The following TNNI3K variants were observed in gnomAD, a reference collection of about 807,000 sequenced individuals.
TNNI3K encodes TNNI3 interacting kinase.
In TNNI3K, 140 loss-of-function variants were observed where a neutral mutation model predicts 114.5. The observed-to-expected ratio is 1.22, with a 90% CI of 1.07 to 1.41. TNNI3K has a LOEUF of 1.41. Ranked by LOEUF, TNNI3K falls within the 40% of genes most tolerant of loss-of-function variation. The pLI, the probability that TNNI3K is intolerant of heterozygous loss-of-function variation, is 0.00. For synonymous variants in TNNI3K, 347 were observed against 347.5 expected, an observed-to-expected ratio of 1.00 and a Z score of 0.02; for missense variants, 1,125 against 1,007.6, an observed-to-expected ratio of 1.12 and a Z score of -1.58.
chr1:74,383,580 T>G (rs45623431), intron 17 of TNNI3K, among the ~76,000 whole-genome samples: 2,262 of 152,222 alleles, frequency 0.015, 52 homozygotes, highest in African/African-American at 0.049. Context: ...AGAGCTCTTC[T>G]CATGCTATTA....
intron 17 of TNNI3K, among the ~76,000 whole-genome samples, chr1:74,415,404 T>G (rs1326813020): frequency 6.6e-6 from 1 of 152,220 alleles, no homozygotes. Flanking sequence ...ATGTAAATAC[T>G]GTGAGTATAG....
intron 9 of TNNI3K, among the ~76,000 whole-genome samples, chr1:74,351,528 G>C (rs201254987): frequency 6.6e-6 from 1 of 152,010 alleles, no homozygotes; most frequent in African/African-American, 2.4e-5. Context: ...TGCTAGATTG[G>C]GGAAGTTCTC....
At chr1:74,539,856 T>A (rs1020431490) in intron 23 of TNNI3K, among the ~76,000 whole-genome samples, 1 of 152,010 alleles carries the variant, frequency 6.6e-6, no homozygotes, top group African/African-American at 2.4e-5. Context: ...TTGGGATGTG[T>A]TTTATTTATA....
intron 4 of TNNI3K, among the ~76,000 whole-genome samples, chr1:74,256,415 G>A (rs1279275995): frequency 2.0e-5 from 3 of 148,950 alleles, no homozygotes; most frequent in Admixed American, 6.8e-5. Flanking sequence ...TGCTTATTAG[G>A]CATCCTTTAT....
intron 5 of TNNI3K, among the ~76,000 whole-genome samples, chr1:74,276,497 T>C (rs1656694162): frequency 6.6e-6 from 1 of 152,122 alleles, no homozygotes; most frequent in Non-Finnish European, 1.5e-5. Context: ...ATCAAAAAAG[T>C]TAGTGCAGAA....
At chr1:74,287,040 G>A (rs990430279) in intron 5 of TNNI3K, among the ~76,000 whole-genome samples, 1 of 151,664 alleles carries the variant, frequency 6.6e-6, no homozygotes, top group African/African-American at 2.4e-5. Flanking sequence ...AGAAGCTAAA[G>A]AGCACAATGA....
chr1:74,264,648 G>C (rs1655863484), intron 4 of TNNI3K, among the ~76,000 whole-genome samples: 1 of 151,970 alleles, frequency 6.6e-6, no homozygotes, highest in South Asian at 2.1e-4. Context: ...GCTCCTTCTT[G>C]GAGTTTGGTA....
chr1:74,361,979 G>A (rs1661992637), intron 11 of TNNI3K, among the ~76,000 whole-genome samples: 1 of 152,102 alleles, frequency 6.6e-6, no homozygotes, highest in South Asian at 2.1e-4. Flanking sequence ...GCTGATTAAG[G>A]AACAAGAATA....
At chr1:74,361,460 A>G (rs1661962330) in intron 11 of TNNI3K, among the ~76,000 whole-genome samples, 1 of 152,114 alleles carries the variant, frequency 6.6e-6, no homozygotes, top group Non-Finnish European at 1.5e-5. Context: ...AGTAAATAAT[A>G]TTTCTTTTTC....
chr1:74,475,116 C>CACACACACA (rs1668125578), intron 21 of TNNI3K, among the ~76,000 whole-genome samples: 1 of 135,912 alleles, frequency 7.4e-6, no homozygotes, highest in African/African-American at 2.8e-5. Flanking sequence ...CCACCTCAGC[C>CACACACACA]CACACACACA....
At chr1:74,397,223 A>G (rs1372615719) in intron 17 of TNNI3K, among the ~76,000 whole-genome samples, 1 of 152,074 alleles carries the variant, frequency 6.6e-6, no homozygotes, top group Non-Finnish European at 1.5e-5. Context: ...CAGAAGAAGA[A>G]AATGAGTGAG....
rs994446930 is a variant in TNNI3K at position 74,442,196 on chromosome 1, A to G, written c.2011+2574A>G. 3.3e-5 allele frequency among the ~76,000 whole-genome samples: 5 copies of G among 151,838 alleles called. 1 individual carries two copies. Among genetic ancestry groups the G allele is most frequent in the Admixed American group, 6.6e-5 (1 of 15,242 alleles). ...TTGTTTTTTTTAATACAGATGTCCA[A>G]TTCTTTTCTCATAATTTTTCAAAAC... is the stretch of plus-strand genomic sequence containing the variant. On this transcript the variant is annotated intron_variant, in intron 20 of 24. Coordinates refer to ENST00000326637, the MANE Select transcript of TNNI3K (RefSeq NM_015978.3).
intron 6 of TNNI3K, among the ~76,000 whole-genome samples, chr1:74,334,863 T>C (rs1660385561): frequency 6.6e-6 from 1 of 152,194 alleles, no homozygotes; most frequent in Admixed American, 6.5e-5. Flanking sequence ...TCTGCATGAC[T>C]CTAGAGAGGA....
rs199862969 is a variant in TNNI3K, at chr1:74,463,514, A to T, written c.2085A>T (p.Ser695=). 14 of 1,614,076 alleles carry T rather than the reference A, an allele frequency of 8.7e-6. No homozygotes were observed. The highest frequency in any genetic ancestry group is 2.7e-5 in the African/African-American group (2 of 74,922). The part of the protein sequence containing the change: ...PIGYSIPKPI[S]SLLIRGWNAC... ...GCTATTCCATTCCCAAGCCCATATC[A>T]TCTCTGCTGATACGAGGGTGGAACG... Residue 695 remains serine (S), a synonymous_variant, in exon 21 of 25, where the codon TCA becomes TCT. Coordinates refer to ENST00000326637, the MANE Select transcript of TNNI3K (RefSeq NM_015978.3).
intron 21 of TNNI3K, among the ~76,000 whole-genome samples, chr1:74,465,985 T>G (rs1280417644): frequency 6.6e-6 from 1 of 152,186 alleles, no homozygotes; most frequent in African/African-American, 2.4e-5. Context: ...ATTTTTGCTC[T>G]TAGCGATAAG....
At chr1:74,533,040 G>A (rs2100446049) in intron 23 of TNNI3K, among the ~76,000 whole-genome samples, 2 of 152,178 alleles carry the variant, frequency 1.3e-5, no homozygotes, top group African/African-American at 4.8e-5. Flanking sequence ...AAAAGCAATG[G>A]CAACAAAAGC....
rs958301159 is a variant in TNNI3K, at chr1:74,544,122, T to C, written c.*140T>C. 4.8e-6 allele frequency: 4 copies of C among 826,722 alleles called. No individual in the cohort carries two copies. The highest frequency in any genetic ancestry group is 7.2e-6 in the Non-Finnish European group (4 of 555,214). The allele number at this position is 826,722 out of a possible 1,614,324, so 51.2% of individuals were successfully genotyped here. A position where few individuals can be genotyped will look rare whatever the true frequency, so the allele number is the denominator to read the frequency against. On this transcript the variant is annotated 3_prime_UTR_variant, in exon 25 of 25. Transcript: ENST00000326637. ...TGGGCTTGTTTTTACTTGTCCTATT[T>C]AATTCCCCACTATTAGCAGGCTTTG...
At chr1:74,259,244 C>T (rs1051397901) in intron 4 of TNNI3K, among the ~76,000 whole-genome samples, 2 of 152,154 alleles carry the variant, frequency 1.3e-5, no homozygotes, top group Non-Finnish European at 2.9e-5. Flanking sequence ...ATCAGGAAAG[C>T]TGATAGTATG....
chr1:74,348,035 T>G (rs577337335), intron 9 of TNNI3K, among the ~76,000 whole-genome samples: 1 of 151,672 alleles, frequency 6.6e-6, no homozygotes, highest in Admixed American at 6.6e-5. Flanking sequence ...GCTTTTGTTG[T>G]CATTGCTTTT....
Sources: allele counts gnomAD v4.1 joint callset (sites outside exome capture counted in the v4.1 genomes callset), GRCh38; gene constraint gnomAD v4.1.1; transcripts MANE v1.5; gene names NCBI Gene and HGNC (gene_info 2026-07-23, HGNC 2026-07-21).